The following COL4A5 variants were observed in gnomAD, a reference collection of about 807,000 sequenced individuals.
COL4A5 encodes the protein collagen type IV alpha 5 chain, also known as collagen alpha-5(IV) chain.
COL4A5 carries 26 observed loss-of-function variants against 130.2 expected under a neutral mutation model. The observed-to-expected ratio is 0.20, with a 90% CI of 0.15 to 0.28. The LOEUF is 0.28. Ranked by LOEUF, COL4A5 falls within the 10% of genes least tolerant of loss-of-function variation. COL4A5 has a pLI of 1.00. For missense variants in COL4A5, 1,131 were observed against 1,344.3 expected, an observed-to-expected ratio of 0.84 and a Z score of 2.48; for synonymous variants, 496 against 439.6, an observed-to-expected ratio of 1.13 and a Z score of -1.60.
intron 37 of COL4A5, among the ~76,000 whole-genome samples, chrX:108,661,074 C>T (rs940035954): frequency 3.1e-4 from 35 of 112,113 alleles, no homozygotes; most frequent in African/African-American, 1.1e-3. Context: ...GAGCAATAGG[C>T]TCTGCTATAC....
At chrX:108,630,741 C>G (rs2067239222) in intron 36 of COL4A5, among the ~76,000 whole-genome samples, 1 of 111,581 alleles carries the variant, frequency 9.0e-6, no homozygotes, top group Non-Finnish European at 1.9e-5. Context: ...ATGCCTATGT[C>G]CTGAATGGTA....
intron 2 of COL4A5, among the ~76,000 whole-genome samples, chrX:108,550,425 G>C (rs1188038679): frequency 8.9e-6 from 1 of 111,865 alleles, no homozygotes; most frequent in African/African-American, 3.2e-5. Context: ...ACAAAATTTA[G>C]AGCATAAATA....
chrX:108,576,072 C>T (rs972042468), intron 10 of COL4A5, 100 bp downstream of exon 10: 2 of 533,342 alleles, frequency 3.7e-6, no homozygotes, highest in Admixed American at 3.2e-5. Context: ...AATGCATTCT[C>T]AACATTCATA....
In COL4A5 at chrX:108,571,562, T is replaced by C; in HGVS notation, c.438+96T>C. On this transcript the variant is annotated intron_variant, in intron 7 of 52. Transcript: ENST00000328300. The stretch of plus-strand genomic sequence containing the variant: ...CCCAATGCATTCATGTGGAACAAAG[T>C]AATACATTTTAAAGTAATAAACTAG... 5 of 683,986 alleles carry C rather than the reference T, an allele frequency of 7.3e-6. No individual in the cohort carries two copies. The South Asian group carries it at 1.1e-4, about 16-fold the overall frequency. 56.4% of individuals were successfully genotyped at this position (683,986 alleles called of 1,213,427 possible). A position where few individuals can be genotyped will look rare whatever the true frequency, so the allele number is the denominator to read the frequency against.
Position 108,659,407 on chromosome X carries a change from G to C in COL4A5, c.3373+3950G>C, listed in dbSNP as rs180731439. Among the ~76,000 whole-genome samples, 157 of 110,934 alleles carry C rather than the reference G, an allele frequency of 1.4e-3. 3 individuals are homozygous for C. The highest frequency in any genetic ancestry group is 0.013 in the Admixed American group (137 of 10,397). On this transcript the variant is annotated intron_variant, in intron 37 of 52. Coordinates refer to ENST00000328300, the MANE Select transcript of COL4A5 (RefSeq NM_033380.3). ...TGCATTATAAATGTCCATTAGGTCA[G>C]GTTTGTTGGTAGAGTTGTTAAAATC... is the stretch of plus-strand genomic sequence containing the variant.
At chrX:108,451,776 T>G (rs1231667677) in intron 1 of COL4A5, among the ~76,000 whole-genome samples, 18 of 110,130 alleles carry the variant, frequency 1.6e-4, no homozygotes, top group Admixed American at 1.4e-3. Context: ...TTGCGAAAAT[T>G]TTCTCCCATT....
At chrX:108,692,319 G>T (rs2068650656) in intron 49 of COL4A5, among the ~76,000 whole-genome samples, 1 of 110,800 alleles carries the variant, frequency 9.0e-6, no homozygotes, top group African/African-American at 3.3e-5. Flanking sequence ...TTGTCCCTAG[G>T]CCTAAGAAGA....
At chrX:108,555,517 A>C (rs979516954) in intron 2 of COL4A5, among the ~76,000 whole-genome samples, 2 of 112,047 alleles carry the variant, frequency 1.8e-5, no homozygotes, top group Non-Finnish European at 3.8e-5. Flanking sequence ...GTTTATATAA[A>C]TATGTTCATA....
intron 1 of COL4A5, chrX:108,462,416 G>T (rs1372418683): frequency 9.0e-6 from 1 of 111,556 alleles, no homozygotes; most frequent in Non-Finnish European, 1.9e-5. Flanking sequence ...TTTTATTTTT[G>T]TTTGTTTCTT....
At chrX:108,526,651 T>C (rs2065322803) in intron 1 of COL4A5, among the ~76,000 whole-genome samples, 1 of 68,742 alleles carries the variant, frequency 1.5e-5, no homozygotes, top group Non-Finnish European at 2.4e-5. Flanking sequence ...TTTCTTTCTT[T>C]CTTTCTTTCT....
intron 1 of COL4A5, among the ~76,000 whole-genome samples, chrX:108,511,673 G>A (rs753527701): frequency 8.9e-6 from 1 of 111,780 alleles, no homozygotes; most frequent in Non-Finnish European, 1.9e-5. Flanking sequence ...ATAGTCAATT[G>A]TTTTTCAACA....
At chrX:108,554,823 C>T (rs2147710454) in intron 2 of COL4A5, among the ~76,000 whole-genome samples, 1 of 111,561 alleles carries the variant, frequency 9.0e-6, no homozygotes, top group East Asian at 2.8e-4. Flanking sequence ...GTTTGTGCCA[C>T]AGCACTCCAG....
At chrX:108,642,500 C>A (rs1386423717) in intron 36 of COL4A5, among the ~76,000 whole-genome samples, 1 of 111,032 alleles carries the variant, frequency 9.0e-6, no homozygotes, top group Admixed American at 9.6e-5. Flanking sequence ...CCCCTGCCAC[C>A]TCCACTGGAA....
intron 29 of COL4A5, among the ~76,000 whole-genome samples, chrX:108,612,586 A>G (rs1429166617): frequency 8.9e-6 from 1 of 111,879 alleles, no homozygotes; most frequent in Non-Finnish European, 1.9e-5. Flanking sequence ...AGGTATGCAT[A>G]GGTCCAACAA....
chrX:108,585,115 CA>C (rs1457322941), intron 18 of COL4A5, among the ~76,000 whole-genome samples: 6 of 111,764 alleles, frequency 5.4e-5, no homozygotes, highest in African/African-American at 1.3e-4. Context: ...AAATTTAAGT[CA>C]AATATACTTC....
intron 1 of COL4A5, among the ~76,000 whole-genome samples, chrX:108,538,228 A>C (rs1017176465): frequency 3.6e-5 from 4 of 112,344 alleles, no homozygotes; most frequent in African/African-American, 9.7e-5. Context: ...AGTAATATTC[A>C]ATTCATATTT....
rs748191800 is a variant in COL4A5 at position 108,644,607 on chromosome X, A to G, written c.3247-10724A>G. Among the ~76,000 whole-genome samples the G allele has an allele frequency of 3.6e-5, 4 of 111,812 alleles. No homozygotes were observed. In the East Asian group the frequency reaches 1.1e-3, roughly 32 times the overall value. On this transcript the variant is annotated intron_variant, in intron 36 of 52. Coordinates refer to ENST00000328300, the MANE Select transcript of COL4A5 (RefSeq NM_033380.3). ...TCTGCAAATACATGGAATTTAAACA[A>G]CTTCCTCTCGGGCCGGGCATGGTGG...
intron 2 of COL4A5, among the ~76,000 whole-genome samples, chrX:108,550,420 AT>A (rs1487403665): frequency 3.6e-5 from 4 of 112,349 alleles, no homozygotes; most frequent in African/African-American, 1.3e-4. Context: ...CCAAAACAAA[AT>A]TTAGAGCATA....
At chrX:108,598,661 T>C (rs2066566883) in intron 24 of COL4A5, 41 bp from the exon 25 acceptor site, 2 of 1,113,699 alleles carry the variant, frequency 1.8e-6, no homozygotes. Flanking sequence ...CAGATAGTTG[T>C]TGTATCTATA....
Sources: gnomAD v4.1 joint callset for allele counts (sites outside exome capture counted in the v4.1 genomes callset) on GRCh38, gnomAD v4.1.1 for gene constraint, MANE v1.5 for transcripts, NCBI Gene and HGNC (gene_info 2026-07-23, HGNC 2026-07-21) for gene names.